Variants in FARP1 observed in about 807,000 individuals in gnomAD.
The protein encoded by FARP1 is FERM, ARHGEF and pleckstrin domain-containing protein 1.
In FARP1, 52 loss-of-function variants were observed where a neutral mutation model predicts 128.8. That is an observed-to-expected ratio of 0.40 (90% CI 0.32 to 0.51). FARP1 has a LOEUF of 0.51. FARP1 is among the 20% of genes least tolerant of loss of function. The pLI is 0.45. For missense variants in FARP1, 1,333 were observed against 1,367.9 expected (o/e 0.97, Z 0.40); for synonymous variants, 580 against 551.8 (o/e 1.05, Z -0.72).
chr13:98,418,342 T>C (rs1301490283), intron 16 of FARP1, among the ~76,000 whole-genome samples: 4 of 152,306 alleles, frequency 2.6e-5, no homozygotes, highest in Middle Eastern at 3.4e-3. Flanking sequence ...CAGTGTGATC[T>C]TGGCTCACTG....
intron 14 of FARP1, among the ~76,000 whole-genome samples, chr13:98,410,010 C>T (rs1891130167): frequency 6.6e-6 from 1 of 152,244 alleles, no homozygotes; most frequent in Non-Finnish European, 1.5e-5. Flanking sequence ...TGTTAATGGA[C>T]AGTCATGTGG....
At chr13:98,235,247 C>T (rs1001796361) in intron 2 of FARP1, among the ~76,000 whole-genome samples, 4 of 152,072 alleles carry the variant, frequency 2.6e-5, no homozygotes, top group African/African-American at 2.4e-5. Flanking sequence ...AGGCAATACC[C>T]CCAGAGCCAC....
intron 2 of FARP1, among the ~76,000 whole-genome samples, chr13:98,231,084 C>G (rs976504184): frequency 1.3e-5 from 2 of 152,164 alleles, no homozygotes; most frequent in Non-Finnish European, 2.9e-5. Flanking sequence ...TTATCTCCAC[C>G]TAGCCCTGTC....
At chr13:98,275,231 A>G (rs1884580017) in intron 2 of FARP1, among the ~76,000 whole-genome samples, 1 of 152,068 alleles carries the variant, frequency 6.6e-6, no homozygotes, top group Non-Finnish European at 1.5e-5. Context: ...ATGAATTCAG[A>G]TTCCTTTTCA....
chr13:98,344,224 A>G (rs1888086753), intron 3 of FARP1, among the ~76,000 whole-genome samples: 1 of 152,226 alleles, frequency 6.6e-6, no homozygotes, highest in African/African-American at 2.4e-5. Context: ...GACTGGAGTC[A>G]AGAAAGCCAT....
intron 6 of FARP1, among the ~76,000 whole-genome samples, chr13:98,379,105 A>T (rs1216711590): frequency 1.0e-5 from 1 of 97,252 alleles, no homozygotes; most frequent in Non-Finnish European, 1.9e-5. Flanking sequence ...TATATATATA[A>T]TATATAATCT....
chr13:98,415,807 C>T lies in FARP1; in HGVS notation c.1826+3773C>T, dbSNP rs140655167. ...GTACCCATGCCTTTCCTCACGTTGCCGTGATACGGAAGCGCAGGTTGGCTC... is the reference window on the plus strand; with the variant it reads ...GTACCCATGCCTTTCCTCACGTTGCTGTGATACGGAAGCGCAGGTTGGCTC... On this transcript the variant is annotated intron_variant, in intron 16 of 26. Coordinates refer to ENST00000319562, the MANE Select transcript of FARP1 (RefSeq NM_005766.4). Among the ~76,000 whole-genome samples, 617 of 152,372 alleles carry T rather than the reference C, an allele frequency of 4.0e-3. 5 individuals carry two copies. The highest frequency in any genetic ancestry group is 0.014 in the African/African-American group (583 of 41,590).
At chr13:98,291,320 C>T (rs1256781388) in intron 2 of FARP1, among the ~76,000 whole-genome samples, 1 of 152,136 alleles carries the variant, frequency 6.6e-6, no homozygotes, top group African/African-American at 2.4e-5. Context: ...TCCTCCTCAT[C>T]GTCTTCATGT....
intron 1 of FARP1, among the ~76,000 whole-genome samples, chr13:98,189,674 A>G (rs1472492599): frequency 6.6e-6 from 1 of 152,246 alleles, no homozygotes; most frequent in Non-Finnish European, 1.5e-5. Context: ...CATGCATATT[A>G]TAGAAAACTT....
At chr13:98,188,273 G>A (rs1381894274) in intron 1 of FARP1, among the ~76,000 whole-genome samples, 1 of 152,168 alleles carries the variant, frequency 6.6e-6, no homozygotes, top group East Asian at 1.9e-4. Flanking sequence ...GAAGTTTCAG[G>A]CCGGGTGCGG....
At chr13:98,422,547 C>T (rs1891632206) in intron 16 of FARP1, among the ~76,000 whole-genome samples, 1 of 152,076 alleles carries the variant, frequency 6.6e-6, no homozygotes, top group Non-Finnish European at 1.5e-5. Flanking sequence ...GCTTTAATTA[C>T]CTAAAAGGTT....
intron 1 of FARP1, among the ~76,000 whole-genome samples, chr13:98,209,472 ATT>A (rs534634730): frequency 0.44 from 47,025 of 106,210 alleles, 11,729 homozygotes; most frequent in Non-Finnish European, 0.55. Flanking sequence ...GGGAGGAAAG[ATT>A]TTTTTTTTTT....
intron 1 of FARP1, among the ~76,000 whole-genome samples, chr13:98,162,840 C>T (rs781681719): frequency 1.3e-5 from 2 of 152,072 alleles, no homozygotes; most frequent in Non-Finnish European, 2.9e-5. Flanking sequence ...GGCGAGGTTG[C>T]GGAGAATAAG....
Position 98,246,628 on chromosome 13 carries a change from GA to G in FARP1, c.171+33216del, listed in dbSNP as rs574288173. Among the ~76,000 whole-genome samples the G allele has an allele frequency of 1.8e-3, 272 of 152,094 alleles. 2 individuals carry two copies. Among genetic ancestry groups the G allele is most frequent in the African/African-American group, 6.3e-3 (260 of 41,476 alleles). ...CTATACTCCCTCCTTCTCCTCTGGG[GA>G]TAATCTAAAAAGCTCAAAGTTCTTA... On this transcript the variant is annotated intron_variant, in intron 2 of 26. Transcript: ENST00000319562.
chr13:98,380,521 T>G (rs1050999528), intron 6 of FARP1, among the ~76,000 whole-genome samples: 4 of 152,170 alleles, frequency 2.6e-5, no homozygotes, highest in African/African-American at 9.6e-5. Flanking sequence ...ATTAGCTTAA[T>G]TTAGCCATTT....
chr13:98,305,239 G>C (rs889419917), intron 2 of FARP1, among the ~76,000 whole-genome samples: 2 of 151,650 alleles, frequency 1.3e-5, no homozygotes, highest in African/African-American at 4.8e-5. Context: ...TCCTAGTACT[G>C]GCTGCCATTT....
At chr13:98,257,823 G>C (rs1007443702) in intron 2 of FARP1, among the ~76,000 whole-genome samples, 4 of 152,194 alleles carry the variant, frequency 2.6e-5, no homozygotes, top group African/African-American at 9.6e-5. Context: ...CTACAGTGGA[G>C]ATATCCAAGC....
rs1292582878 is a variant in FARP1 at position 98,227,216 on chromosome 13, G to A, written c.171+13803G>A. Among the ~76,000 whole-genome samples the A allele has an allele frequency of 4.6e-5, 7 of 152,080 alleles. No homozygotes were observed. In the East Asian group the frequency reaches 9.7e-4, roughly 21 times the overall value. ...CTTGGCCTCCCAAAGTGCTGGGATA[G>A]CAGGCGTGAGCCACCGCGCCCTGGC... On this transcript the variant is annotated intron_variant, in intron 2 of 26. Transcript: ENST00000319562.
At chr13:98,250,045 G>T (rs1418639690) in intron 2 of FARP1, among the ~76,000 whole-genome samples, 2 of 152,176 alleles carry the variant, frequency 1.3e-5, no homozygotes, top group Non-Finnish European at 2.9e-5. Context: ...GAAAATAGAT[G>T]ATTTTATATG....
Sources: gnomAD v4.1 joint callset for allele counts (sites outside exome capture counted in the v4.1 genomes callset) on GRCh38, gnomAD v4.1.1 for gene constraint, MANE v1.5 for transcripts, NCBI Gene and HGNC (gene_info 2026-07-23, HGNC 2026-07-21) for gene names.